The following SPIRE2 variants were observed in gnomAD, a reference collection of about 807,000 sequenced individuals.
SPIRE2 encodes the protein protein spire homolog 2.
A neutral mutation model predicts 80.7 loss-of-function variants in SPIRE2; 76 were observed. The ratio of observed to expected loss-of-function variants is 0.94; its 90% CI spans 0.78 to 1.14. The LOEUF is 1.14. Ranked by LOEUF, SPIRE2 falls within the 50% of genes most tolerant of loss-of-function variation. SPIRE2 has a pLI of 0.00. For synonymous variants in SPIRE2, 535 were observed against 432.6 expected (o/e 1.24, Z -2.94); for missense variants, 1,196 against 1,015.3 (o/e 1.18, Z -2.42).
chr16:89,830,556 A>G (rs2041369496), intron 1 of SPIRE2, among the ~76,000 whole-genome samples: 2 of 151,236 alleles, frequency 1.3e-5, no homozygotes, highest in South Asian at 4.1e-4. Flanking sequence ...TTAAGTGATA[A>G]GTAAATACAT....
rs2041346171 is a variant in SPIRE2 at position 89,828,495 on chromosome 16, A to T, written c.-56A>T. On this transcript the variant is annotated 5_prime_UTR_variant, in exon 1 of 15. Coordinates refer to ENST00000378247, the MANE Select transcript of SPIRE2 (RefSeq NM_032451.2). This position sits in a 1 kb window ranked among gnomAD's most constrained non-coding sequence, Gnocchi z 5.9. ...CGGCCAGGCTGACCCTGCGCGGCGG[A>T]AGGCGCGGCTGCATGGACGCGGGTC... The T allele has an allele frequency of 1.0e-6, 1 of 994,444 alleles. No individual in the cohort carries two copies. Among genetic ancestry groups the T allele is most frequent in the African/African-American group, 1.8e-5 (1 of 56,310 alleles). 61.6% of individuals were successfully genotyped at this position (994,444 alleles called of 1,614,324 possible).
chr16:89,836,128 T>C, intron 1 of SPIRE2: 1 of 450,024 alleles, frequency 2.2e-6, no homozygotes, highest in South Asian at 1.6e-5. Flanking sequence ...TGAGTCGAGA[T>C]TGCGCCACTG....
chr16:89,845,042 T>C (rs1019142918), intron 1 of SPIRE2, among the ~76,000 whole-genome samples: 1 of 152,178 alleles, frequency 6.6e-6, no homozygotes, highest in Admixed American at 6.5e-5. Flanking sequence ...CGTGGGGCAC[T>C]GGGGGTCTGT....
chr16:89,832,339 T>C (rs888504550), intron 1 of SPIRE2, among the ~76,000 whole-genome samples: 1 of 152,246 alleles, frequency 6.6e-6, no homozygotes, highest in African/African-American at 2.4e-5. Context: ...TGAGCTTGCC[T>C]TTATTTTAAA....
Position 89,856,822 on chromosome 16 carries a change from A to C in SPIRE2, c.1102+586A>C, listed in dbSNP as rs531776707. Among the ~76,000 whole-genome samples, 437 of 151,588 alleles carry C rather than the reference A, an allele frequency of 2.9e-3. 3 individuals carry two copies. Among genetic ancestry groups the C allele is most frequent in the African/African-American group, 0.01 (423 of 41,418 alleles). ...TGCCTTGTAATCCCAGCATTTTGGGATGCTGAGGCGGGAGGATCACTTGAG... is the reference window on the plus strand; with the variant it reads ...TGCCTTGTAATCCCAGCATTTTGGGCTGCTGAGGCGGGAGGATCACTTGAG... On this transcript the variant is annotated intron_variant, in intron 7 of 14. Coordinates refer to ENST00000378247, the MANE Select transcript of SPIRE2 (RefSeq NM_032451.2).
Position 89,845,331 on chromosome 16 carries a change from C to G in SPIRE2, c.254C>G (p.Thr85Ser). ...AREPEAAEPA[T>S]MVVPLASSEA... ...CCCTCTTCTCTTACAGAACCTGCAA[C>G]CATGGTCGTGCCACTAGCCAGCTCG... The change falls in exon 2 of 15, where the codon ACC becomes AGC. Residue 85 changes from threonine (T) to serine (S), a missense_variant. By Grantham distance (58) the Thr-to-Ser change is moderately conservative (BLOSUM62 1). Coordinates refer to ENST00000378247, the MANE Select transcript of SPIRE2 (RefSeq NM_032451.2). 6.2e-7 allele frequency: 1 copy of G among 1,614,166 alleles called. No individual in the cohort carries two copies. The highest frequency in any genetic ancestry group is 8.5e-7 in the Non-Finnish European group (1 of 1,180,022).
chr16:89,841,669 G>C (rs770139455), intron 1 of SPIRE2, among the ~76,000 whole-genome samples: 17 of 152,110 alleles, frequency 1.1e-4, no homozygotes, highest in Non-Finnish European at 1.5e-5. Flanking sequence ...ACCTTTATGG[G>C]ATGGCTGCGC....
intron 1 of SPIRE2, among the ~76,000 whole-genome samples, chr16:89,830,121 A>G (rs2041365094): frequency 6.6e-6 from 1 of 151,202 alleles, no homozygotes; most frequent in South Asian, 2.1e-4. Context: ...AGAGCTCCTC[A>G]TTTGTCCTAG....
At position 89,859,160 on chromosome 16, in the gene SPIRE2, C is replaced by T. The variant is rs747249865; in HGVS notation, c.1273-5C>T. The T allele has an allele frequency of 6.4e-7, 1 of 1,562,370 alleles. No homozygotes were observed. Among genetic ancestry groups the T allele is most frequent in the African/African-American group, 1.4e-5 (1 of 72,974 alleles). ...AGGGCAGGGCCGCGTCTGGTGTGTC[C>T]ACAGGAAGAAGAGTCTCCGTGTGGG... On this transcript the variant is annotated splice_region_variant and splice_polypyrimidine_tract_variant and intron_variant, in intron 8 of 14. Transcript: ENST00000378247.
intron 5 of SPIRE2, among the ~76,000 whole-genome samples, chr16:89,855,096 G>A (rs568992212): frequency 2.6e-5 from 4 of 152,184 alleles, no homozygotes; most frequent in Non-Finnish European, 5.9e-5. Context: ...CCGCCACCAC[G>A]CCTGGCTAAT....
intron 2 of SPIRE2, among the ~76,000 whole-genome samples, chr16:89,848,806 C>T (rs1197026197): frequency 2.0e-5 from 3 of 150,466 alleles, no homozygotes; most frequent in East Asian, 3.9e-4. Context: ...TTCTGCAGGA[C>T]AGACGAGGCA....
At chr16:89,855,879 T>C in intron 6 of SPIRE2, 193 bp downstream of exon 6, 2 of 921,556 alleles carry the variant, frequency 2.2e-6, no homozygotes, top group Non-Finnish European at 3.2e-6. Flanking sequence ...CCCTGGGCCC[T>C]TTTTCTGGGA....
chr16:89,864,783 C>A (rs2041775056), intron 12 of SPIRE2, among the ~76,000 whole-genome samples: 1 of 152,158 alleles, frequency 6.6e-6, no homozygotes, highest in African/African-American at 2.4e-5. Context: ...TCACAAGTAT[C>A]TTAACTGATT....
rs1420701834 is a variant in SPIRE2 at position 89,863,551 on chromosome 16, G to A, written c.1651G>A (p.Ala551Thr). Residue 551 changes from alanine (A) to threonine (T), a missense_variant, in exon 11 of 15, where the codon GCC becomes ACC. By Grantham distance (58) the Ala-to-Thr change is moderately conservative. Coordinates refer to ENST00000378247, the MANE Select transcript of SPIRE2 (RefSeq NM_032451.2). The surrounding 1 kb of genome is among the most constrained non-coding windows in gnomAD (Gnocchi z 4.3). Reference protein sequence around the residue: ...VMDVRRVLVKAEMEKFLQNKE... With the variant: ...VMDVRRVLVKTEMEKFLQNKE... ...GGACGTGCGCCGTGTGCTGGTGAAG[G>A]CCGAGATGGAAAAGTTTTTGCAGAA... 6.2e-7 allele frequency: 1 copy of A among 1,614,096 alleles called. No individual in the cohort carries two copies. Among genetic ancestry groups the A allele is most frequent in the African/African-American group, 1.3e-5 (1 of 75,056 alleles).
In SPIRE2 at chr16:89,850,443, G is replaced by C. The variant is rs758976881; in HGVS notation, c.428G>C (p.Gly143Ala). The C allele has an allele frequency of 6.4e-7, 1 of 1,569,276 alleles. No individual in the cohort carries two copies. The highest frequency in any genetic ancestry group is 1.2e-5 in the South Asian group (1 of 84,418). The change falls in exon 3 of 15, where the codon GGT becomes GCT. Residue 143 changes from glycine to alanine, a missense_variant. Gly to Ala is a moderately conservative substitution (Grantham distance 60, BLOSUM62 0). Transcript: ENST00000378247. Reference sequence around the variant, plus strand: ...AACGACAGCGAGGACAGCGGCTGCGGTGCCGCCGATGAGGGCTACGGGGGT... The same window carrying C: ...AACGACAGCGAGGACAGCGGCTGCGCTGCCGCCGATGAGGGCTACGGGGGT... ...ANNDSEDSGC[G>A]AADEGYGGPE...
intron 1 of SPIRE2, among the ~76,000 whole-genome samples, chr16:89,838,207 G>A (rs1227341510): frequency 1.4e-5 from 2 of 145,900 alleles, no homozygotes; most frequent in Non-Finnish European, 3.0e-5. Flanking sequence ...AAGAGAGACG[G>A]GATCTTACCA....
At chr16:89,829,193 C>T (rs1183022468) in intron 1 of SPIRE2, among the ~76,000 whole-genome samples, 2 of 152,200 alleles carry the variant, frequency 1.3e-5, no homozygotes, top group Non-Finnish European at 1.5e-5. Context: ...ACAGAAGCGT[C>T]CCCTTGGGGC....
intron 1 of SPIRE2, among the ~76,000 whole-genome samples, chr16:89,835,884 G>A (rs2041444127): frequency 6.6e-6 from 1 of 152,094 alleles, no homozygotes; most frequent in African/African-American, 2.4e-5. Flanking sequence ...AGTTTAAAAG[G>A]AGTGTATGGG....
At chr16:89,843,698 GT>G (rs568062812) in intron 1 of SPIRE2, among the ~76,000 whole-genome samples, 83 of 18,216 alleles carry the variant, frequency 4.6e-3, no homozygotes, top group East Asian at 0.014. Context: ...TTTGTTTTTT[GT>G]TTTTTTTTTT....
Sources: gnomAD v4.1 joint callset for allele counts (sites outside exome capture counted in the v4.1 genomes callset) on GRCh38, gnomAD v4.1.1 for gene constraint, Gnocchi (gnomAD v3.1) non-coding constraint, MANE v1.5 for transcripts, NCBI Gene and HGNC (gene_info 2026-07-23, HGNC 2026-07-21) for gene names.